RASGRF2: variants seen among roughly 807,000 people sequenced by gnomAD.
RASGRF2 encodes Ras protein specific guanine nucleotide releasing factor 2, also known as ras-specific guanine nucleotide-releasing factor 2.
In RASGRF2, 76 loss-of-function variants were observed where a neutral mutation model predicts 151.0. That is an observed-to-expected ratio of 0.50 (90% confidence interval 0.42 to 0.61). The LOEUF (loss-of-function observed/expected upper bound fraction) is 0.61. RASGRF2 is among the 20% of genes least tolerant of loss of function. RASGRF2 has a pLI of 0.00. For synonymous variants in RASGRF2, 504 were observed against 566.5 expected, an observed-to-expected ratio of 0.89 and a Z score of 1.57; for missense variants, 1,148 against 1,564.6, an observed-to-expected ratio of 0.73 and a Z score of 4.49.
intron 2 of RASGRF2, among the ~76,000 whole-genome samples, chr5:81,057,864 T>C (rs540202667): frequency 6.6e-6 from 1 of 151,984 alleles, no homozygotes; most frequent in South Asian, 2.1e-4. Context: ...GGCCTGGTGG[T>C]ATGCACCTGT....
Position 81,094,908 on chromosome 5 carries a change from G to T in RASGRF2, c.1671G>T (p.Glu557Asp), listed in dbSNP as rs1481757173. ...ACCTGGATTTTAAAATAGTGGTGGA[G>T]CCTCCTGACGCTGCCGCCTTCACTG... ...FGHLDFKIVVEPPDAAAFTVV... is the reference protein window; with the variant it reads ...FGHLDFKIVVDPPDAAAFTVV... The change falls in exon 12 of 27, where the codon GAG becomes GAT. Residue 557 changes from glutamate to aspartate, a missense_variant. By Grantham distance (45) the Glu-to-Asp change is conservative. Transcript: ENST00000265080. The T allele has an allele frequency of 1.9e-6, 3 of 1,602,932 alleles. No individual in the cohort carries two copies. Among genetic ancestry groups the T allele is most frequent in the Non-Finnish European group, 2.6e-6 (3 of 1,171,190 alleles).
At chr5:81,121,920 T>G (rs1753320747) in intron 15 of RASGRF2, among the ~76,000 whole-genome samples, 1 of 152,196 alleles carries the variant, frequency 6.6e-6, no homozygotes, top group Non-Finnish European at 1.5e-5. Flanking sequence ...ACAGCACTAG[T>G]GTCTGTTTCT....
At chr5:81,167,552 G>A (rs1010852099) in intron 17 of RASGRF2, among the ~76,000 whole-genome samples, 2 of 152,322 alleles carry the variant, frequency 1.3e-5, no homozygotes, top group South Asian at 4.1e-4. Context: ...ACATCAGTGT[G>A]CACTCAGTGA....
At chr5:81,082,888 CA>C (rs1228075411) in intron 7 of RASGRF2, among the ~76,000 whole-genome samples, 1 of 152,220 alleles carries the variant, frequency 6.6e-6, no homozygotes, top group Non-Finnish European at 1.5e-5. Flanking sequence ...CTTGCTTCCC[CA>C]TAACTATTTT....
At chr5:81,159,752 A>G (rs1754339736) in intron 17 of RASGRF2, among the ~76,000 whole-genome samples, 1 of 152,172 alleles carries the variant, frequency 6.6e-6, no homozygotes, top group South Asian at 2.1e-4. Flanking sequence ...ATATAATTTC[A>G]TTTATTTTTG....
chr5:81,225,579 T>C, intron 26 of RASGRF2, 99 bp from the exon 27 acceptor site: 1 of 1,479,318 alleles, frequency 6.8e-7, no homozygotes, highest in East Asian at 2.6e-5. Context: ...GATTTTTAGT[T>C]GTTTAAGAGA....
At chr5:81,152,021 A>T (rs1754148337) in intron 17 of RASGRF2, among the ~76,000 whole-genome samples, 1 of 151,890 alleles carries the variant, frequency 6.6e-6, no homozygotes, top group Non-Finnish European at 1.5e-5. Flanking sequence ...TGTTTGTTTG[A>T]GATGGAGTCT....
intron 17 of RASGRF2, among the ~76,000 whole-genome samples, chr5:81,146,591 A>G (rs1482402469): frequency 6.6e-6 from 1 of 152,106 alleles, no homozygotes; most frequent in East Asian, 1.9e-4. Flanking sequence ...TTGGCTCTTA[A>G]ATTGTTGTGA....
chr5:81,050,014 T>C (rs1750961969), intron 2 of RASGRF2, among the ~76,000 whole-genome samples: 1 of 152,194 alleles, frequency 6.6e-6, no homozygotes, highest in Non-Finnish European at 1.5e-5. Flanking sequence ...TGGATAGGAA[T>C]GTAAGGCATA....
Position 81,202,685 on chromosome 5 carries a change from CTGGAGTAGGGTGGAGGTAT to C in RASGRF2, c.2906+1258_2906+1276del, listed in dbSNP as rs1755424329. On this transcript the variant is annotated intron_variant, in intron 19 of 26. Transcript: ENST00000265080. ...CAGTGTAATCAGTTAAGATGAGGTA[CTGGAGTAGGGTGGAGGTAT>C]TGGAGTAGGGTGGACCCCAATCCAC... is the stretch of plus-strand genomic sequence containing the variant. Among the ~76,000 whole-genome samples the C allele has an allele frequency of 2.0e-5, 3 of 152,180 alleles. No individual in the cohort carries two copies. The South Asian group carries it at 6.2e-4, about 32-fold the overall frequency.
chr5:81,042,778 A>C, intron 1 of RASGRF2, 99 bp from the exon 2 acceptor site: 1 of 840,146 alleles, frequency 1.2e-6, no homozygotes, highest in South Asian at 1.7e-5. Context: ...GCACTGATGC[A>C]TTTTGTAAAT....
At position 81,225,916 on chromosome 5, in the gene RASGRF2, CAG is replaced by C; in HGVS notation, c.*152_*153del. On this transcript the variant is annotated 3_prime_UTR_variant, in exon 27 of 27. Coordinates refer to ENST00000265080, the MANE Select transcript of RASGRF2 (RefSeq NM_006909.3). ...TGGAACCAGACTGGAATTCTGTCTC[CAG>C]AGAGAAACCCAGCTGTTTGGGTCAA... 1 of 839,860 alleles carries C rather than the reference CAG, an allele frequency of 1.2e-6. No homozygotes were observed. 52.0% of individuals were successfully genotyped at this position (839,860 alleles called of 1,614,324 possible). A position where few individuals can be genotyped will look rare whatever the true frequency, so the allele number is the denominator to read the frequency against.
chr5:81,061,047 TG>T (rs1184556144), intron 2 of RASGRF2, among the ~76,000 whole-genome samples: 2 of 152,164 alleles, frequency 1.3e-5, no homozygotes, highest in African/African-American at 4.8e-5. Context: ...CTCAATTTCT[TG>T]TTTTTTTTTC....
intron 1 of RASGRF2, among the ~76,000 whole-genome samples, chr5:80,965,140 A>G (rs1747683083): frequency 6.6e-6 from 1 of 152,076 alleles, no homozygotes; most frequent in Non-Finnish European, 1.5e-5. Context: ...TCACTTCATT[A>G]CTAGTCATTT....
intron 1 of RASGRF2, among the ~76,000 whole-genome samples, chr5:81,024,291 C>CTTTTTTTTTTTTTTTTTTTTTTTTTTTTT (rs1554086441): frequency 2.0e-5 from 1 of 50,014 alleles, no homozygotes; most frequent in African/African-American, 8.3e-5. Context: ...CAGAAGTTTG[C>CTTTTTTTTTTTTTTTTTTTTTTTTTTTTT]TTTTGTTGCC....
intron 2 of RASGRF2, among the ~76,000 whole-genome samples, chr5:81,064,914 T>C (rs1332455206): frequency 6.6e-6 from 1 of 152,166 alleles, no homozygotes; most frequent in Non-Finnish European, 1.5e-5. Context: ...CAGTTAATAT[T>C]GAGTTAATAA....
intron 2 of RASGRF2, among the ~76,000 whole-genome samples, chr5:81,067,766 A>G (rs1295931802): frequency 6.6e-6 from 1 of 152,236 alleles, no homozygotes; most frequent in Non-Finnish European, 1.5e-5. Flanking sequence ...TTTCTTTTGT[A>G]CTTTTCCCAC....
chr5:81,096,976 T>A (rs2112510157), intron 12 of RASGRF2, among the ~76,000 whole-genome samples: 1 of 152,264 alleles, frequency 6.6e-6, no homozygotes, highest in African/African-American at 2.4e-5. Context: ...TGTGTTTTTT[T>A]TTTGAGATGG....
At chr5:81,199,686 T>C (rs1033782860) in intron 18 of RASGRF2, among the ~76,000 whole-genome samples, 20 of 151,876 alleles carry the variant, frequency 1.3e-4, no homozygotes, top group African/African-American at 4.8e-4. Context: ...TTACTTGAGG[T>C]TAGGAGTTTG....
Sources: allele counts gnomAD v4.1 joint callset (sites outside exome capture counted in the v4.1 genomes callset), GRCh38; gene constraint gnomAD v4.1.1; transcripts MANE v1.5; gene names NCBI Gene and HGNC (gene_info 2026-07-23, HGNC 2026-07-21).